Variants in CLTB observed in about 807,000 individuals in gnomAD.
CLTB encodes clathrin light chain B, also known as clathrin, light chain (Lcb).
Under a neutral mutation model 30.5 loss-of-function variants are expected in CLTB, and 10 were observed. The observed-to-expected ratio is 0.33, with a 90% CI of 0.20 to 0.56. CLTB has a LOEUF of 0.56. CLTB is among the 20% of genes least tolerant of loss of function. CLTB has a pLI of 0.91. For missense variants in CLTB, 261 were observed against 308.3 expected (o/e 0.85, Z 1.15); for synonymous variants, 102 against 120.3 (o/e 0.85, Z 1.00).
chr5:176,396,630 T>C, intron 4 of CLTB, 98 bp from the exon 5 acceptor site: 1 of 837,256 alleles, frequency 1.2e-6, no homozygotes, highest in South Asian at 1.4e-5. Flanking sequence ...GAGACAGCAT[T>C]AGTACCTCCA....
chr5:176,397,761 A>T, intron 3 of CLTB, 43 bp from the exon 4 acceptor site: 5 of 1,582,716 alleles, frequency 3.2e-6, no homozygotes, highest in Non-Finnish European at 4.3e-6. Context: ...TCCAGCTGGG[A>T]TGCACAGGCC....
intron 2 of CLTB, among the ~76,000 whole-genome samples, chr5:176,403,424 T>TTGGTTTTTTGTTTTTTGG (rs1160802483): frequency 1.3e-5 from 2 of 150,988 alleles, no homozygotes; most frequent in Non-Finnish European, 3.0e-5. Context: ...CCCTACATGG[T>TTGGTTTTTTGTTTTTTGG]TGGTTTTTTG....
intron 2 of CLTB, chr5:176,405,772 G>C (rs1757084639): frequency 6.6e-6 from 1 of 152,028 alleles, no homozygotes; most frequent in Admixed American, 6.6e-5. Context: ...GCCACTCACT[G>C]GACTCGCGAC....
At chr5:176,408,671 C>T (rs569477958) in intron 2 of CLTB, among the ~76,000 whole-genome samples, 1 of 152,274 alleles carries the variant, frequency 6.6e-6, no homozygotes, top group East Asian at 1.9e-4. Flanking sequence ...TATAGGCACA[C>T]ACTATTGCCC....
At position 176,392,968 on chromosome 5, in the gene CLTB, C is replaced by T; in HGVS notation, c.519-23G>A. 1 of 1,613,804 alleles carries T rather than the reference C, an allele frequency of 6.2e-7. No homozygotes were observed. The highest frequency in any genetic ancestry group is 8.5e-7 in the Non-Finnish European group (1 of 1,179,790). ...GCCCTGCGGGTGGAGATAGGACGGG[C>T]TTTTATAGCAGTCTGCTTTCCCCCA... On this transcript the variant is annotated intron_variant, in intron 5 of 5. Coordinates refer to ENST00000310418, the MANE Select transcript of CLTB (RefSeq NM_007097.5). This position sits in a 1 kb window ranked among gnomAD's most constrained non-coding sequence, Gnocchi z 5.2.
chr5:176,408,800 G>A (rs1041135009), intron 2 of CLTB, among the ~76,000 whole-genome samples: 3 of 152,180 alleles, frequency 2.0e-5, no homozygotes, highest in East Asian at 3.9e-4. Context: ...GATTACAGGC[G>A]TAAGCCGCCG....
At chr5:176,402,813 G>C (rs552658113) in intron 2 of CLTB, among the ~76,000 whole-genome samples, 14 of 152,222 alleles carry the variant, frequency 9.2e-5, no homozygotes, top group African/African-American at 3.4e-4. Context: ...GATAAAGAGA[G>C]TGGGGAAGGG....
chr5:176,411,003 GC>G (rs1482723272), intron 1 of CLTB, among the ~76,000 whole-genome samples: 1 of 152,166 alleles, frequency 6.6e-6, no homozygotes, highest in Non-Finnish European at 1.5e-5. Flanking sequence ...CCGCAGCTCA[GC>G]CCCAGCCCAG....
Position 176,406,437 on chromosome 5 carries a change from A to G in CLTB, c.234+3820T>C, listed in dbSNP as rs894519200. Reference sequence around the variant, plus strand: ...GTGTGCTGCGACTCCAGGGATGGCCAAGAGGATGAGCCACATCCTTCTTTG... The same window carrying G: ...GTGTGCTGCGACTCCAGGGATGGCCGAGAGGATGAGCCACATCCTTCTTTG... On this transcript the variant is annotated intron_variant, in intron 2 of 5. Transcript: ENST00000310418. 17 of 1,168,276 alleles carry G rather than the reference A, an allele frequency of 1.5e-5. No individual in the cohort carries two copies. In the Admixed American group the frequency reaches 3.0e-4, roughly 21 times the overall value. 72.4% of individuals were successfully genotyped at this position (1,168,276 alleles called of 1,614,324 possible).
At chr5:176,406,774 G>A in intron 2 of CLTB, 2 of 1,195,190 alleles carry the variant, frequency 1.7e-6, no homozygotes, top group Non-Finnish European at 2.2e-6. Context: ...TGTTGGGTGT[G>A]CACAGGCCAA....
At chr5:176,410,613 T>C (rs150087805) in intron 1 of CLTB, among the ~76,000 whole-genome samples, 1 of 152,294 alleles carries the variant, frequency 6.6e-6, no homozygotes, top group East Asian at 1.9e-4. Flanking sequence ...CAGCCAGTAA[T>C]AGCTCCTTAC....
At chr5:176,407,235 TCAC>T (rs1029568186) in intron 2 of CLTB, among the ~76,000 whole-genome samples, 3 of 152,154 alleles carry the variant, frequency 2.0e-5, no homozygotes, top group African/African-American at 7.2e-5. Context: ...GACTTTGCAT[TCAC>T]CACTTCACCT....
intron 1 of CLTB, among the ~76,000 whole-genome samples, chr5:176,413,908 T>C (rs1325480407): frequency 6.6e-6 from 1 of 152,140 alleles, no homozygotes; most frequent in Non-Finnish European, 1.5e-5. Context: ...CCCCGGCACC[T>C]CCCTGGAAGA....
In CLTB at chr5:176,396,481, G is replaced by A. The variant is rs1275000391; in HGVS notation, c.516C>T (p.Tyr172=). The stretch of plus-strand genomic sequence containing the variant: ...AGAGAAGCAAAACAGACACGTACAC[G>A]TAGCCGATGATATCAGCATCTGGCT... The part of the protein sequence containing the change: ...YQQPDADIIG[Y]VASEEAFVKE... Residue 172 remains tyrosine (Y), a splice_region_variant and synonymous_variant, in exon 5 of 6, where the codon TAC becomes TAT. Transcript: ENST00000310418. 3.7e-6 allele frequency: 6 copies of A among 1,613,584 alleles called. No individual in the cohort carries two copies. The highest frequency in any genetic ancestry group is 1.3e-5 in the African/African-American group (1 of 74,896).
intron 5 of CLTB, 32 bp downstream of exon 5, chr5:176,396,447 T>TC (rs781485327): frequency 6.3e-7 from 1 of 1,586,916 alleles, no homozygotes; most frequent in Non-Finnish European, 8.7e-7. Flanking sequence ...CCTCTCTAGC[T>TC]CCCCCAACAG....
intron 4 of CLTB, among the ~76,000 whole-genome samples, chr5:176,396,962 C>A (rs1554126983): frequency 6.6e-6 from 1 of 151,680 alleles, no homozygotes; most frequent in Non-Finnish European, 1.5e-5. Flanking sequence ...CCTTTTTTCC[C>A]TTTTTTCCTC....
At chr5:176,406,702 G>A in intron 2 of CLTB, 1 of 1,286,504 alleles carries the variant, frequency 7.8e-7, no homozygotes, top group Non-Finnish European at 1.0e-6. Context: ...CGCTGGTGGT[G>A]CACGGGCTGC....
rs1031689656 is a variant in CLTB, at chr5:176,392,693, A to C, written c.*81T>G. ...TAGGCTGTGGGTAGCAGCTGCTGCGAGTCTCCACCCCGACCAAAGCAGCTG... is the reference window on the plus strand; with the variant it reads ...TAGGCTGTGGGTAGCAGCTGCTGCGCGTCTCCACCCCGACCAAAGCAGCTG... On this transcript the variant is annotated 3_prime_UTR_variant, in exon 6 of 6. Transcript: ENST00000310418. This position sits in a 1 kb window ranked among gnomAD's most constrained non-coding sequence, Gnocchi z 5.2. 23 of 1,507,634 alleles carry C rather than the reference A, an allele frequency of 1.5e-5. No homozygotes were observed. Among genetic ancestry groups the C allele is most frequent in the Non-Finnish European group, 2.0e-5 (22 of 1,098,174 alleles). 93.4% of individuals were successfully genotyped at this position (1,507,634 alleles called of 1,614,324 possible).
chr5:176,403,329 C>T (rs544585720), intron 2 of CLTB, among the ~76,000 whole-genome samples: 5 of 151,908 alleles, frequency 3.3e-5, no homozygotes, highest in Admixed American at 1.3e-4. Flanking sequence ...GGATTACAGG[C>T]GTGAGCTACT....
Sources: gnomAD v4.1 joint callset for allele counts (sites outside exome capture counted in the v4.1 genomes callset) on GRCh38, gnomAD v4.1.1 for gene constraint, Gnocchi (gnomAD v3.1) non-coding constraint, MANE v1.5 for transcripts, NCBI Gene and HGNC (gene_info 2026-07-23, HGNC 2026-07-21) for gene names.